MTUS2: variants seen among roughly 807,000 people sequenced by gnomAD.
MTUS2 encodes the protein microtubule-associated tumor suppressor candidate 2.
In MTUS2, 40 loss-of-function variants were observed where a neutral mutation model predicts 114.1. That is an observed-to-expected ratio of 0.35 (90% confidence interval 0.27 to 0.46). The LOEUF is 0.46. MTUS2 is among the 20% of genes least tolerant of loss of function. MTUS2 has a pLI of 1.00. For missense variants in MTUS2, 1,679 were observed against 1,705.4 expected (o/e 0.98, Z 0.27); for synonymous variants, 688 against 672.0 (o/e 1.02, Z -0.37).
At chr13:29,102,124 G>A (rs115164485) in intron 5 of MTUS2, among the ~76,000 whole-genome samples, 1,828 of 152,250 alleles carry the variant, frequency 0.012, 34 homozygotes, top group African/African-American at 0.04. Context: ...CACAGTAGGG[G>A]TCTCAAAATC....
At chr13:28,993,739 T>A (rs1884962301) in intron 2 of MTUS2, among the ~76,000 whole-genome samples, 1 of 152,080 alleles carries the variant, frequency 6.6e-6, no homozygotes. Flanking sequence ...TATTTCTGGG[T>A]TCTCTATTCC....
intron 5 of MTUS2, among the ~76,000 whole-genome samples, chr13:29,180,368 A>G (rs1198794567): frequency 6.6e-6 from 1 of 152,252 alleles, no homozygotes; most frequent in Non-Finnish European, 1.5e-5. Flanking sequence ...CACAAGTATC[A>G]TAAAGAAACA....
intron 2 of MTUS2, among the ~76,000 whole-genome samples, chr13:28,883,245 T>C (rs960338925): frequency 6.6e-6 from 1 of 152,238 alleles, no homozygotes; most frequent in Non-Finnish European, 1.5e-5. Context: ...GTTTGGCACT[T>C]TCCTGTAAAG....
intron 8 of MTUS2, among the ~76,000 whole-genome samples, chr13:29,379,564 G>A (rs1384061972): frequency 1.3e-5 from 2 of 152,152 alleles, no homozygotes; most frequent in Admixed American, 6.5e-5. Flanking sequence ...CCCTCCAGAT[G>A]AGCAAAATGC....
intron 2 of MTUS2, among the ~76,000 whole-genome samples, chr13:28,870,190 G>T (rs1877537829): frequency 6.6e-6 from 1 of 152,104 alleles, no homozygotes; most frequent in Admixed American, 6.6e-5. Context: ...ATCAGACTCT[G>T]ATTTCCTCAT....
chr13:29,237,333 G>T (rs981054431), intron 5 of MTUS2, among the ~76,000 whole-genome samples: 4 of 152,062 alleles, frequency 2.6e-5, no homozygotes, highest in Non-Finnish European at 5.9e-5. Context: ...TGTGGGTCTG[G>T]TTTTTTTGGG....
At chr13:29,107,118 A>G (rs1329960704) in intron 5 of MTUS2, among the ~76,000 whole-genome samples, 1 of 151,906 alleles carries the variant, frequency 6.6e-6, no homozygotes, top group Admixed American at 6.6e-5. Context: ...TTTTAGGTAC[A>G]TTTCAAATTT....
rs187643904 is a variant in MTUS2, at chr13:29,375,757, G to A, written c.3117+16284G>A. Among the ~76,000 whole-genome samples the A allele has an allele frequency of 2.1e-4, 32 of 150,392 alleles. No individual in the cohort carries two copies. The East Asian group carries it at 4.5e-3, about 21-fold the overall frequency. Reference sequence around the variant, plus strand: ...TACTCAGTAATGGAAACCAAATACCGTATGTTCTCACTTATAAGTGGAGCT... The same window carrying A: ...TACTCAGTAATGGAAACCAAATACCATATGTTCTCACTTATAAGTGGAGCT... On this transcript the variant is annotated intron_variant, in intron 8 of 15. Coordinates refer to ENST00000612955, the MANE Select transcript of MTUS2 (RefSeq NM_001033602.4).
chr13:29,359,888 C>CG (rs1439789605), intron 8 of MTUS2, among the ~76,000 whole-genome samples: 3 of 152,138 alleles, frequency 2.0e-5, no homozygotes, highest in South Asian at 2.1e-4. Flanking sequence ...CCGTTCACGT[C>CG]GGCTGTTGAT....
intron 2 of MTUS2, among the ~76,000 whole-genome samples, chr13:28,845,126 T>A (rs778670941): frequency 3.9e-5 from 6 of 152,112 alleles, no homozygotes; most frequent in Non-Finnish European, 5.9e-5. Flanking sequence ...GCCAGTTTTT[T>A]TTTTATTAAA....
At chr13:29,486,256 C>T (rs1881609400) in intron 10 of MTUS2, among the ~76,000 whole-genome samples, 1 of 152,178 alleles carries the variant, frequency 6.6e-6, no homozygotes, top group Admixed American at 6.5e-5. Flanking sequence ...TTCCTAATGC[C>T]ATGGGTCTGC....
At chr13:29,216,440 G>C (rs1390255812) in intron 5 of MTUS2, among the ~76,000 whole-genome samples, 1 of 152,218 alleles carries the variant, frequency 6.6e-6, no homozygotes, top group Non-Finnish European at 1.5e-5. Context: ...AACTCCCGCA[G>C]CTAGCTCGGT....
intron 8 of MTUS2, among the ~76,000 whole-genome samples, chr13:29,431,440 A>G (rs1593436607): frequency 6.6e-6 from 1 of 152,176 alleles, no homozygotes; most frequent in Non-Finnish European, 1.5e-5. Flanking sequence ...TTGTATTTCT[A>G]CCTTTTCCAG....
chr13:29,137,077 TG>T (rs1432619613), intron 5 of MTUS2, among the ~76,000 whole-genome samples: 2 of 152,120 alleles, frequency 1.3e-5, no homozygotes, highest in Non-Finnish European at 2.9e-5. Flanking sequence ...AGACTGTGAG[TG>T]GTTAAGCAGA....
At chr13:29,101,835 T>G (rs1037732267) in intron 5 of MTUS2, among the ~76,000 whole-genome samples, 5 of 152,230 alleles carry the variant, frequency 3.3e-5, no homozygotes, top group African/African-American at 1.2e-4. Flanking sequence ...TCGATTGATT[T>G]GTTATTTTGT....
intron 6 of MTUS2, among the ~76,000 whole-genome samples, chr13:29,313,569 G>A (rs1313169235): frequency 6.6e-6 from 1 of 152,128 alleles, no homozygotes; most frequent in Non-Finnish European, 1.5e-5. Context: ...ACATGTATAT[G>A]TGTATACACA....
chr13:29,417,508 A>G (rs1875753423), intron 8 of MTUS2, among the ~76,000 whole-genome samples: 1 of 150,570 alleles, frequency 6.6e-6, no homozygotes. Context: ...TATTTTTCTC[A>G]TTTTTATGTT....
intron 5 of MTUS2, among the ~76,000 whole-genome samples, chr13:29,195,395 C>T (rs1443670702): frequency 6.6e-6 from 1 of 151,690 alleles, no homozygotes; most frequent in African/African-American, 2.4e-5. Context: ...GTATATTTTC[C>T]TCCATTTTTT....
intron 2 of MTUS2, among the ~76,000 whole-genome samples, chr13:28,912,805 A>G (rs1485010188): frequency 2.6e-5 from 4 of 151,908 alleles, no homozygotes; most frequent in African/African-American, 9.7e-5. Context: ...TTCATTCATG[A>G]TTTGTTTCTC....
Sources: allele counts gnomAD v4.1 joint callset (sites outside exome capture counted in the v4.1 genomes callset), GRCh38; gene constraint gnomAD v4.1.1; transcripts MANE v1.5; gene names NCBI Gene and HGNC (gene_info 2026-07-23, HGNC 2026-07-21).